FGD6: variants seen among roughly 807,000 people sequenced by gnomAD.
FGD6 encodes FYVE, RhoGEF and PH domain containing 6.
FGD6 carries 90 observed loss-of-function variants against 149.4 expected under a neutral mutation model. The ratio of observed to expected loss-of-function variants is 0.60; its 90% CI spans 0.51 to 0.72. FGD6 has a LOEUF of 0.72. FGD6 is among the 30% of genes least tolerant of loss of function. FGD6 has a pLI of 0.00. For missense variants in FGD6, 1,437 were observed against 1,684.8 expected (o/e 0.85, Z 2.57); for synonymous variants, 527 against 584.0 (o/e 0.90, Z 1.41).
chr12:95,141,093 C>T (rs763260539), intron 6 of FGD6, among the ~76,000 whole-genome samples: 27 of 151,850 alleles, frequency 1.8e-4, no homozygotes, highest in Non-Finnish European at 3.2e-4. Context: ...CGTGGTGGCA[C>T]ACGCCTATAA....
intron 8 of FGD6, among the ~76,000 whole-genome samples, chr12:95,115,549 T>C (rs896348304): frequency 6.6e-6 from 1 of 152,136 alleles, no homozygotes; most frequent in African/African-American, 2.4e-5. Flanking sequence ...GAATATATTA[T>C]TTTTTAGATA....
At chr12:95,112,318 T>G (rs1259901896) in intron 9 of FGD6, among the ~76,000 whole-genome samples, 1 of 150,856 alleles carries the variant, frequency 6.6e-6, no homozygotes, top group Admixed American at 6.6e-5. Context: ...ACCCAGGCGT[T>G]GCTGGGCATG....
At chr12:95,206,691 C>T (rs558253300) in intron 2 of FGD6, among the ~76,000 whole-genome samples, 17 of 143,554 alleles carry the variant, frequency 1.2e-4, no homozygotes, top group African/African-American at 4.5e-4. Context: ...GGGACCCTGT[C>T]TCCAAAGAAA....
At chr12:95,118,365 A>AG (rs1399259564) in intron 8 of FGD6, among the ~76,000 whole-genome samples, 14,429 of 147,480 alleles carry the variant, frequency 0.098, 1,111 homozygotes, top group African/African-American at 0.19. Context: ...AAAAAAAAGA[A>AG]AGAGAGAGAG....
intron 3 of FGD6, among the ~76,000 whole-genome samples, chr12:95,156,238 A>G (rs1347027831): frequency 1.3e-5 from 2 of 152,230 alleles, no homozygotes; most frequent in Non-Finnish European, 2.9e-5. Flanking sequence ...GGAGGAACAG[A>G]GCCATATTTC....
Position 95,194,424 on chromosome 12 carries a change from G to A in FGD6, c.2441+14419C>T, listed in dbSNP as rs193075279. The stretch of plus-strand genomic sequence containing the variant: ...CTAATTTTGTATTTTCAGTAGAGTC[G>A]GGGTTTCTACATGTTGGTCAGGCTG... On this transcript the variant is annotated intron_variant, in intron 2 of 20. Coordinates refer to ENST00000343958, the MANE Select transcript of FGD6 (RefSeq NM_018351.4). Among the ~76,000 whole-genome samples, 387 of 101,248 alleles carry A rather than the reference G, an allele frequency of 3.8e-3. 2 individuals are homozygous for A. Among genetic ancestry groups the A allele is most frequent in the Non-Finnish European group, 6.6e-3 (302 of 46,008 alleles). 66.4% of individuals were successfully genotyped at this position (101,248 alleles called of 152,430 possible). A position where few individuals can be genotyped will look rare whatever the true frequency, so the allele number is the denominator to read the frequency against.
intron 14 of FGD6, among the ~76,000 whole-genome samples, chr12:95,096,014 C>CA (rs11383119): frequency 0.43 from 53,977 of 124,434 alleles, 10,060 homozygotes; most frequent in African/African-American, 0.51. Context: ...ACACTGTCTC[C>CA]AAAAAAAAAA....
intron 8 of FGD6, among the ~76,000 whole-genome samples, chr12:95,122,679 C>T (rs1047437351): frequency 3.4e-5 from 5 of 148,628 alleles, no homozygotes; most frequent in Non-Finnish European, 7.4e-5. Context: ...AGGCTCTGGC[C>T]TTTGGCTCTA....
At position 95,137,619 on chromosome 12, in the gene FGD6, T is replaced by C. The variant is rs766488238; in HGVS notation, c.2897A>G (p.Tyr966Cys). ...ATCAAATTCTTTGATGTATGTGGAATACATTTTTAGATATGGTCCCTTCTT... is the reference window on the plus strand; with the variant it reads ...ATCAAATTCTTTGATGTATGTGGAACACATTTTTAGATATGGTCCCTTCTT... ...FVKKGPYLKM[Y>C]STYIKEFDKN... The change falls in exon 7 of 21, where the codon TAT (tyrosine) becomes TGT (cysteine). Residue 966 changes from tyrosine to cysteine, a missense_variant. Physicochemically the swap from Tyr to Cys is radical, Grantham distance 194 (BLOSUM62 -2). This residue lies in a region of FGD6 where 1,055 missense variants were observed against 1,146.0 expected (regional missense o/e 0.92). Coordinates refer to ENST00000343958, the MANE Select transcript of FGD6 (RefSeq NM_018351.4). 1 of 1,612,558 alleles carries C rather than the reference T, an allele frequency of 6.2e-7. No individual in the cohort carries two copies. The highest frequency in any genetic ancestry group is 8.5e-7 in the Non-Finnish European group (1 of 1,179,362).
intron 9 of FGD6, among the ~76,000 whole-genome samples, chr12:95,109,163 T>A (rs972573389): frequency 1.3e-5 from 2 of 149,526 alleles, no homozygotes; most frequent in Non-Finnish European, 3.0e-5. Flanking sequence ...GGCCTATCTG[T>A]GTTTTATTCT....
At chr12:95,094,439 C>T (rs1019979696) in intron 15 of FGD6, among the ~76,000 whole-genome samples, 153 bp downstream of exon 15, 13 of 151,942 alleles carry the variant, frequency 8.6e-5, no homozygotes, top group African/African-American at 2.2e-4. Context: ...AAACTTTTAG[C>T]GCTGAAATGA....
intron 2 of FGD6, among the ~76,000 whole-genome samples, chr12:95,204,801 G>A (rs552787824): frequency 6.6e-6 from 1 of 152,224 alleles, no homozygotes; most frequent in Admixed American, 6.5e-5. Flanking sequence ...GGGCAGTAAT[G>A]GTTAATATAA....
rs1043878538 is a variant in FGD6 at position 95,094,526 on chromosome 12, T to C, written c.3600+66A>G. On this transcript the variant is annotated intron_variant, in intron 15 of 20. Coordinates refer to ENST00000343958, the MANE Select transcript of FGD6 (RefSeq NM_018351.4). ...AACACATGTTGCTTTCTTAAACCCC[T>C]GTGAAATGTTTAAGGTAAAAACTTT... is the stretch of plus-strand genomic sequence containing the variant. 25 of 1,075,312 alleles carry C rather than the reference T, an allele frequency of 2.3e-5. No individual in the cohort carries two copies. In the African/African-American group the frequency reaches 3.9e-4, roughly 17 times the overall value. 66.6% of individuals were successfully genotyped at this position (1,075,312 alleles called of 1,614,324 possible).
At chr12:95,130,412 C>G (rs1879486197) in intron 8 of FGD6, among the ~76,000 whole-genome samples, 1 of 152,136 alleles carries the variant, frequency 6.6e-6, no homozygotes, top group African/African-American at 2.4e-5. Flanking sequence ...AATGAAGTAC[C>G]ACTCCTGCCT....
At chr12:95,101,075 G>A (rs1565895819) in intron 14 of FGD6, 1 of 228,720 alleles carries the variant, frequency 4.4e-6, no homozygotes, top group South Asian at 7.2e-5. Flanking sequence ...GTGGCTCACG[G>A]CTGTAATCCC....
chr12:95,083,008 A>T (rs373032829), intron 20 of FGD6, among the ~76,000 whole-genome samples: 2,119 of 32,084 alleles, frequency 0.066, 20 homozygotes, highest in Non-Finnish European at 0.095. Flanking sequence ...AAAAAAAAAA[A>T]AAAAATATAT....
intron 3 of FGD6, among the ~76,000 whole-genome samples, chr12:95,161,511 C>CA (rs1431049363): frequency 5.3e-5 from 8 of 151,966 alleles, no homozygotes; most frequent in Non-Finnish European, 1.0e-4. Flanking sequence ...CAAAACAAAA[C>CA]AAAAAACCCA....
At chr12:95,107,291 C>A (rs1319860443) in intron 12 of FGD6, among the ~76,000 whole-genome samples, 1 of 152,072 alleles carries the variant, frequency 6.6e-6, no homozygotes, top group Non-Finnish European at 1.5e-5. Context: ...ATTCTAAATC[C>A]CACAAAGGTA....
In FGD6 at chr12:95,128,253, G is replaced by T. The variant is rs529037604; in HGVS notation, c.3082+6486C>A. Among the ~76,000 whole-genome samples the T allele has an allele frequency of 2.6e-5, 4 of 151,750 alleles. No individual in the cohort carries two copies. The East Asian group carries it at 5.8e-4, about 22-fold the overall frequency. ...AGTCTGCCTCTGACTTTATTTTTTTGAGATGGGGGTCCTGCTGTGTCGCCC... is the reference window on the plus strand; with the variant it reads ...AGTCTGCCTCTGACTTTATTTTTTTTAGATGGGGGTCCTGCTGTGTCGCCC... On this transcript the variant is annotated intron_variant, in intron 8 of 20. Transcript: ENST00000343958.
Sources: allele counts gnomAD v4.1 joint callset (sites outside exome capture counted in the v4.1 genomes callset), GRCh38; gene constraint gnomAD v4.1.1; regional missense constraint gnomAD v4.1.1; transcripts MANE v1.5; gene names NCBI Gene and HGNC (gene_info 2026-07-23, HGNC 2026-07-21).